The following ANKS1B variants were observed in gnomAD, a reference collection of about 807,000 sequenced individuals.
ANKS1B encodes ankyrin repeat and sterile alpha motif domain containing 1B, also known as ankyrin repeat and sterile alpha motif domain-containing protein 1B.
ANKS1B carries 36 observed loss-of-function variants against 148.3 expected under a neutral mutation model. The ratio of observed to expected loss-of-function variants is 0.24; its 90% confidence interval spans 0.19 to 0.32. The LOEUF (loss-of-function observed/expected upper bound fraction) is 0.32, where lower values mean the gene tolerates loss of function less well. Ranked by LOEUF, ANKS1B falls within the 10% of genes least tolerant of loss-of-function variation. ANKS1B has a pLI of 1.00. For synonymous variants in ANKS1B, 542 were observed against 560.8 expected, an observed-to-expected ratio of 0.97 and a Z score of 0.47; for missense variants, 1,157 against 1,542.6, an observed-to-expected ratio of 0.75 and a Z score of 4.19.
rs187435721 is a variant in ANKS1B at position 99,345,571 on chromosome 12, C to T, written c.1756+54060G>A. 5.9e-4 allele frequency among the ~76,000 whole-genome samples: 89 copies of T among 152,018 alleles called. 1 individual carries two copies. Among genetic ancestry groups the T allele is most frequent in the African/African-American group, 2.0e-3 (82 of 41,494 alleles). Reference sequence around the variant, plus strand: ...AAGGACTTTAGAGAGACATCATTTTCGTTCAGTCCTTTCATTTTAAAGAGG... The same window carrying T: ...AAGGACTTTAGAGAGACATCATTTTTGTTCAGTCCTTTCATTTTAAAGAGG... On this transcript the variant is annotated intron_variant, in intron 12 of 26. Transcript: ENST00000683438.
In ANKS1B at chr12:98,838,208, G is replaced by A. The variant is rs140573214; in HGVS notation, c.2779-6072C>T. On this transcript the variant is annotated intron_variant, in intron 17 of 26. Coordinates refer to ENST00000683438, the MANE Select transcript of ANKS1B (RefSeq NM_001352186.2). ...AAATTTTGGTTTGTGCTCCTTTCTG[G>A]ATAGCAAACATTCCACATGCTTAAA... 3.0e-3 allele frequency among the ~76,000 whole-genome samples: 456 copies of A among 152,136 alleles called. 1 individual carries two copies. The highest frequency in any genetic ancestry group is 5.7e-3 in the Admixed American group (87 of 15,288).
chr12:99,670,011 T>C (rs529872881), intron 8 of ANKS1B, among the ~76,000 whole-genome samples: 3 of 152,164 alleles, frequency 2.0e-5, no homozygotes, highest in Non-Finnish European at 4.4e-5. Context: ...CATATTTTTG[T>C]CCAGTATTCA....
chr12:99,695,940 G>A (rs958197775), intron 8 of ANKS1B, among the ~76,000 whole-genome samples: 15 of 152,100 alleles, frequency 9.9e-5, no homozygotes, highest in African/African-American at 3.6e-4. Flanking sequence ...GACTACTAGA[G>A]CGCGGAGGGT....
chr12:99,462,044 A>G (rs185501478), intron 10 of ANKS1B, among the ~76,000 whole-genome samples: 1 of 152,296 alleles, frequency 6.6e-6, no homozygotes, highest in African/African-American at 2.4e-5. Flanking sequence ...CCATCACTTA[A>G]CAACTCTCTT....
At chr12:99,477,976 A>G (rs2152925832) in intron 10 of ANKS1B, among the ~76,000 whole-genome samples, 1 of 152,298 alleles carries the variant, frequency 6.6e-6, no homozygotes, top group African/African-American at 2.4e-5. Context: ...GTGAATGCTC[A>G]CCAGTAGACA....
intron 16 of ANKS1B, among the ~76,000 whole-genome samples, chr12:99,059,028 C>T (rs1360467057): frequency 6.6e-6 from 1 of 152,114 alleles, no homozygotes; most frequent in African/African-American, 2.4e-5. Context: ...TGAGCCACCG[C>T]GCCCGGCCAA....
At chr12:99,358,326 T>C (rs1037580885) in intron 12 of ANKS1B, among the ~76,000 whole-genome samples, 9 of 152,266 alleles carry the variant, frequency 5.9e-5, no homozygotes, top group South Asian at 2.1e-4. Context: ...ATTTAATCCA[T>C]TGAAATTTAT....
At chr12:99,405,158 G>A (rs1441749004) in intron 11 of ANKS1B, among the ~76,000 whole-genome samples, 1 of 145,762 alleles carries the variant, frequency 6.9e-6, no homozygotes, top group African/African-American at 2.6e-5. Flanking sequence ...GCTAAAGGGA[G>A]TTCTTCAGTG....
intron 26 of ANKS1B, among the ~76,000 whole-genome samples, chr12:98,748,417 A>G (rs2097957439): frequency 8.2e-6 from 1 of 121,890 alleles, no homozygotes. Context: ...CGCTCTCAGG[A>G]ACGGCCCTCA....
At chr12:99,479,553 G>A (rs537776261) in intron 10 of ANKS1B, among the ~76,000 whole-genome samples, 1 of 151,944 alleles carries the variant, frequency 6.6e-6, no homozygotes, top group African/African-American at 2.4e-5. Context: ...CTTAATAAAA[G>A]AAGAAAATTC....
chr12:99,864,366 C>CA (rs1334744173), intron 1 of ANKS1B, among the ~76,000 whole-genome samples: 1 of 152,166 alleles, frequency 6.6e-6, no homozygotes. Context: ...CAAAGGTTTT[C>CA]ATGATCTCAC....
At chr12:99,129,394 G>T (rs181939108) in intron 15 of ANKS1B, among the ~76,000 whole-genome samples, 2 of 152,312 alleles carry the variant, frequency 1.3e-5, no homozygotes, top group African/African-American at 2.4e-5. Context: ...CAAGACTGAG[G>T]CTCAGGAATG....
intron 8 of ANKS1B, among the ~76,000 whole-genome samples, chr12:99,748,596 G>C (rs2060820383): frequency 6.6e-6 from 1 of 151,906 alleles, no homozygotes; most frequent in African/African-American, 2.4e-5. Context: ...CAGTAATACA[G>C]CAATAAACTA....
chr12:98,993,755 T>C (rs2099927983), intron 17 of ANKS1B, among the ~76,000 whole-genome samples: 1 of 152,220 alleles, frequency 6.6e-6, no homozygotes, highest in Non-Finnish European at 1.5e-5. Flanking sequence ...AAATGATGAT[T>C]ATTGTGTAGG....
At chr12:99,718,212 T>C (rs2057656256) in intron 8 of ANKS1B, among the ~76,000 whole-genome samples, 1 of 152,166 alleles carries the variant, frequency 6.6e-6, no homozygotes, top group Non-Finnish European at 1.5e-5. Flanking sequence ...CAATACTCTT[T>C]TAAGCACTCC....
intron 22 of ANKS1B, among the ~76,000 whole-genome samples, chr12:98,792,293 T>G (rs1040502626): frequency 2.6e-5 from 4 of 152,202 alleles, no homozygotes; most frequent in African/African-American, 9.6e-5. Context: ...ATTTCTTTTT[T>G]GGGGAGGATT....
At chr12:99,746,756 G>T (rs1601300978) in intron 8 of ANKS1B, among the ~76,000 whole-genome samples, 1 of 152,016 alleles carries the variant, frequency 6.6e-6, no homozygotes, top group East Asian at 1.9e-4. Flanking sequence ...GTCCCATCTG[G>T]GCATAGTCTT....
intron 15 of ANKS1B, among the ~76,000 whole-genome samples, chr12:99,116,982 C>T (rs997316333): frequency 1.1e-4 from 17 of 152,150 alleles, no homozygotes; most frequent in Non-Finnish European, 1.0e-4. Context: ...GGAGTTCACT[C>T]ATGATTTGGC....
rs1166158783 is a variant in ANKS1B at position 98,953,537 on chromosome 12, G to GTTTTTTTTTTTTTTTT, written c.2778+99604_2778+99619dup. 5.7e-4 allele frequency among the ~76,000 whole-genome samples: 33 copies of GTTTTTTTTTTTTTTTT among 57,456 alleles called. 6 individuals carry two copies. The highest frequency in any genetic ancestry group is 2.8e-3 in the South Asian group (4 of 1,428). The allele number at this position is 57,456 out of a possible 152,430, so 37.7% of individuals were successfully genotyped here. A position where few individuals can be genotyped will look rare whatever the true frequency, so the allele number is the denominator to read the frequency against. ...CATGTCCATTTGAGAATCTAGAGTG[G>GTTTTTTTTTTTTTTTT]TTTTTTTTTTTTTTTTTTTTTTTTT... On this transcript the variant is annotated intron_variant, in intron 17 of 26. Transcript: ENST00000683438.
Sources: gnomAD v4.1 joint callset for allele counts (sites outside exome capture counted in the v4.1 genomes callset) on GRCh38, gnomAD v4.1.1 for gene constraint, MANE v1.5 for transcripts, NCBI Gene and HGNC (gene_info 2026-07-23, HGNC 2026-07-21) for gene names.